Variants in DPEP1 observed in about 807,000 individuals in gnomAD.
DPEP1 encodes dipeptidase 1.
DPEP1 carries 50 observed loss-of-function variants against 42.3 expected under a neutral mutation model. That is an observed-to-expected ratio of 1.18 (90% confidence interval 0.94 to 1.50). DPEP1 has a LOEUF of 1.50. Among genes scored for constraint, DPEP1 ranks in the 40% most tolerant of loss-of-function variants. The pLI, the probability that DPEP1 is intolerant of heterozygous loss-of-function variation, is 0.00. For synonymous variants in DPEP1, 297 were observed against 234.0 expected (o/e 1.27, Z -2.46); for missense variants, 663 against 553.0 (o/e 1.20, Z -1.99).
chr16:89,614,865 TAG>T (rs1428689066), intron 1 of DPEP1, among the ~76,000 whole-genome samples: 1 of 152,072 alleles, frequency 6.6e-6, no homozygotes, highest in Non-Finnish European at 1.5e-5. Context: ...CAGGACATGC[TAG>T]AGAGAAAGCC....
chr16:89,634,088 C>CTTT (rs1597766739), intron 2 of DPEP1, among the ~76,000 whole-genome samples: 2 of 81,946 alleles, frequency 2.4e-5, no homozygotes, highest in African/African-American at 3.2e-5. Context: ...CTCTTCTCTT[C>CTTT]TTCTTTTTTT....
intron 1 of DPEP1, chr16:89,620,563 A>C (rs144307236): frequency 2.3e-4 from 35 of 152,330 alleles, no homozygotes; most frequent in African/African-American, 6.7e-4. Context: ...ACCAGCTGAC[A>C]TGTGTGAGGC....
chr16:89,622,044 G>C (rs921304609), intron 1 of DPEP1, among the ~76,000 whole-genome samples: 1 of 152,160 alleles, frequency 6.6e-6, no homozygotes, highest in Non-Finnish European at 1.5e-5. Context: ...CCTGCGTCTC[G>C]ACAGAGCCGA....
intron 1 of DPEP1, among the ~76,000 whole-genome samples, chr16:89,625,896 C>T (rs1263365912): frequency 2.6e-5 from 4 of 152,146 alleles, no homozygotes; most frequent in South Asian, 4.1e-4. Flanking sequence ...GAACAGTGGT[C>T]GTGAGAGGGG....
intron 1 of DPEP1, among the ~76,000 whole-genome samples, chr16:89,618,935 T>TC (rs1218039522): frequency 3.3e-5 from 2 of 60,844 alleles, no homozygotes; most frequent in Non-Finnish European, 6.3e-5. Context: ...TCCCTGCAGC[T>TC]CCCTGCCCCC....
intron 1 of DPEP1, among the ~76,000 whole-genome samples, chr16:89,622,057 CA>C (rs1445889901): frequency 6.6e-6 from 1 of 152,188 alleles, no homozygotes; most frequent in African/African-American, 2.4e-5. Flanking sequence ...AGAGCCGAGT[CA>C]GCACCACCCT....
intron 1 of DPEP1, among the ~76,000 whole-genome samples, chr16:89,618,224 G>C (rs564521499): frequency 6.6e-6 from 1 of 152,194 alleles, no homozygotes; most frequent in South Asian, 2.1e-4. Flanking sequence ...TTATTAGTTT[G>C]TTTATCCATC....
At chr16:89,614,346 G>A (rs1328826924) in intron 1 of DPEP1, among the ~76,000 whole-genome samples, 1 of 152,210 alleles carries the variant, frequency 6.6e-6, no homozygotes, top group Non-Finnish European at 1.5e-5. Context: ...TCCAGGAAGA[G>A]TTCTCAGAGG....
At chr16:89,640,008 G>C (rs2059732092), downstream of DPEP1, among the ~76,000 whole-genome samples, 1 of 152,158 alleles carries the variant, frequency 6.6e-6, no homozygotes, top group East Asian at 1.9e-4. Flanking sequence ...GGCAGGGTCT[G>C]CATCGGCGTG....
intron 1 of DPEP1, among the ~76,000 whole-genome samples, chr16:89,615,816 T>C (rs446786): frequency 0.99 from 150,350 of 152,296 alleles, 74,241 homozygotes; most frequent in East Asian, 1. Flanking sequence ...CCTGGCCGGC[T>C]GGTGGGGTGT....
rs746836357 is a variant in DPEP1 at position 89,638,089 on chromosome 16, T to G, written c.1103T>G (p.Ile368Ser). 6 of 1,612,296 alleles carry G rather than the reference T, an allele frequency of 3.7e-6. No homozygotes were observed. The South Asian group carries it at 6.6e-5, about 18-fold the overall frequency. Reference protein sequence around the residue: ...NLTQAPEEEPIPLDQLGGSCR... With the variant: ...NLTQAPEEEPSPLDQLGGSCR... ...ACACAGGCTCCCGAGGAGGAGCCCA[T>G]CCCGCTGGACCAGCTGGGTGGCTCC... The change falls in exon 11 of 11, where the codon ATC (isoleucine) becomes AGC (serine). Residue 368 changes from isoleucine to serine, a missense_variant. Coordinates refer to ENST00000690203, the MANE Select transcript of DPEP1 (RefSeq NM_001389466.1).
At chr16:89,640,803 T>TA (rs369751489), downstream of DPEP1, among the ~76,000 whole-genome samples, 72 of 152,062 alleles carry the variant, frequency 4.7e-4, no homozygotes, top group African/African-American at 1.5e-3. Flanking sequence ...ATCATAGAAA[T>TA]AAAGACACAA....
At chr16:89,634,018 T>C (rs529736690) in intron 2 of DPEP1, among the ~76,000 whole-genome samples, 1 of 151,912 alleles carries the variant, frequency 6.6e-6, no homozygotes, top group Non-Finnish European at 1.5e-5. Flanking sequence ...GAAACACAGA[T>C]GAGATCGTAG....
chr16:89,622,921 C>G (rs1404258789), intron 1 of DPEP1, among the ~76,000 whole-genome samples: 1 of 151,870 alleles, frequency 6.6e-6, no homozygotes, highest in African/African-American at 2.4e-5. Context: ...TGGGAACGTT[C>G]CAGGGTGTTC....
At chr16:89,614,463 A>C (rs1029945579) in intron 1 of DPEP1, among the ~76,000 whole-genome samples, 1 of 152,172 alleles carries the variant, frequency 6.6e-6, no homozygotes, top group African/African-American at 2.4e-5. Context: ...GTCCGGCCCC[A>C]CAATTTCCTT....
At chr16:89,618,031 A>T (rs1442893316) in intron 1 of DPEP1, among the ~76,000 whole-genome samples, 1 of 152,130 alleles carries the variant, frequency 6.6e-6, no homozygotes, top group Non-Finnish European at 1.5e-5. Flanking sequence ...CTCAAAAAAT[A>T]TAAAAAAATA....
intron 10 of DPEP1, 35 bp downstream of exon 10, chr16:89,638,006 C>A (rs2059707125): frequency 1.2e-6 from 2 of 1,608,722 alleles, no homozygotes; most frequent in African/African-American, 1.3e-5. Flanking sequence ...TCTCCCCCAC[C>A]ACCACCAGCA....
chr16:89,623,919 G>A (rs1360244025), intron 1 of DPEP1, among the ~76,000 whole-genome samples: 2 of 152,134 alleles, frequency 1.3e-5, no homozygotes, highest in Non-Finnish European at 2.9e-5. Flanking sequence ...CTGAGAAGTC[G>A]TGGCGCTCCG....
Position 89,630,478 on chromosome 16 carries a change from C to T in DPEP1, c.68C>T (p.Ala23Val), listed in dbSNP as rs367935125. Residue 23 changes from alanine to valine, a missense_variant, in exon 2 of 11, where the codon GCA becomes GTA. Transcript: ENST00000690203. ...VCTADFFRDE[A>V]ERIMRDSPVI... ...ACTGCAGACTTCTTTCGGGACGAGG[C>T]AGAGAGGATCATGAGGGACTCCCCT... 7 of 1,607,516 alleles carry T rather than the reference C, an allele frequency of 4.4e-6. 1 individual carries two copies. The South Asian group carries it at 5.5e-5, about 13-fold the overall frequency.
Sources: gnomAD v4.1 joint callset for allele counts (sites outside exome capture counted in the v4.1 genomes callset) on GRCh38, gnomAD v4.1.1 for gene constraint, MANE v1.5 for transcripts, NCBI Gene and HGNC (gene_info 2026-07-23, HGNC 2026-07-21) for gene names.